TP53BP1: variants seen among roughly 807,000 people sequenced by gnomAD.
TP53BP1 encodes the protein TP53-binding protein 1.
TP53BP1 carries 61 observed loss-of-function variants against 200.8 expected under a neutral mutation model. The ratio of observed to expected loss-of-function variants is 0.30; its 90% CI spans 0.25 to 0.38. The LOEUF is 0.38. Among genes scored for constraint, TP53BP1 ranks in the 10% least tolerant of loss-of-function variants. The probability of loss-of-function intolerance (pLI) is 1.00; values close to 1 mark genes in which losing one functional copy is unlikely to be tolerated. For missense variants in TP53BP1, 2,144 were observed against 2,371.9 expected (o/e 0.90, Z 2.00); for synonymous variants, 822 against 844.3 (o/e 0.97, Z 0.46).
At chr15:43,440,944 A>ATTAGCGTTTTCAGGC (rs1261482366) in intron 15 of TP53BP1, among the ~76,000 whole-genome samples, 2 of 152,230 alleles carry the variant, frequency 1.3e-5, no homozygotes, top group Admixed American at 1.3e-4. Flanking sequence ...ACCAACTGCT[A>ATTAGCGTTTTCAGGC]TTAGCGTTTT....
At chr15:43,452,136 A>C (rs550094616) in intron 12 of TP53BP1, among the ~76,000 whole-genome samples, 25 of 152,330 alleles carry the variant, frequency 1.6e-4, no homozygotes, top group Admixed American at 1.6e-3. Context: ...CTCTGTTCCA[A>C]AAAAATAAAA....
At chr15:43,421,263 A>G (rs1659449572) in intron 19 of TP53BP1, 89 bp from the exon 20 acceptor site, 10 of 1,397,208 alleles carry the variant, frequency 7.2e-6, no homozygotes, top group Non-Finnish European at 1.0e-5. Flanking sequence ...ACTACATGAC[A>G]GGCCTACATG....
rs867148872 is a variant in TP53BP1 at position 43,474,721 on chromosome 15, T to C, written c.1132A>G (p.Thr378Ala). 3 of 1,613,238 alleles carry C rather than the reference T, an allele frequency of 1.9e-6. No individual in the cohort carries two copies. Among genetic ancestry groups the C allele is most frequent in the African/African-American group, 2.7e-5 (2 of 74,920 alleles). The change falls in exon 10 of 28, where the codon ACT becomes GCT. Residue 378 changes from threonine (T) to alanine (A), a missense_variant. Around this residue, in one of 4 missense-constraint regions of TP53BP1, gnomAD observed 1,700 missense variants for 1,710.3 expected, o/e 0.99. Transcript: ENST00000382044. ...VAPSPDAFRS[T>A]PFIVPSSPTE... is the part of the protein sequence containing the mutation. Reference sequence around the variant, plus strand: ...GGACTGCTAGGAACGATAAAAGGAGTAGATCGGAAAGCATCAGGAGAAGGA... The same window carrying C: ...GGACTGCTAGGAACGATAAAAGGAGCAGATCGGAAAGCATCAGGAGAAGGA...
chr15:43,442,286 C>A (rs1007467020), intron 14 of TP53BP1, among the ~76,000 whole-genome samples: 1 of 151,878 alleles, frequency 6.6e-6, no homozygotes, highest in Non-Finnish European at 1.5e-5. Context: ...CGGGGTTTCA[C>A]CGTGTTAGCC....
rs1171651963 is a variant in TP53BP1, at chr15:43,408,648, T to A, written c.5600+249A>T. The stretch of plus-strand genomic sequence containing the variant: ...TTTTTAATGCTTGCTTAAAACTTAG[T>A]TCTCTGACTTTACAGGTTGAGAATA... On this transcript the variant is annotated intron_variant, in intron 26 of 27. Transcript: ENST00000382044. 18 of 483,950 alleles carry A rather than the reference T, an allele frequency of 3.7e-5. No homozygotes were observed. The Admixed American group carries it at 5.9e-4, about 16-fold the overall frequency. 30.0% of individuals were successfully genotyped at this position (483,950 alleles called of 1,614,324 possible).
In TP53BP1 at chr15:43,456,399, C is replaced by G. The variant is rs766484665; in HGVS notation, c.2209G>C (p.Ala737Pro). 1 of 1,599,952 alleles carries G rather than the reference C, an allele frequency of 6.3e-7. No individual in the cohort carries two copies. Among genetic ancestry groups the G allele is most frequent in the Admixed American group, 1.8e-5 (1 of 57,080 alleles). Residue 737 changes from alanine (A) to proline (P), a missense_variant, in exon 12 of 28, where the codon GCA becomes CCA. Ala to Pro is a conservative substitution (Grantham distance 27, BLOSUM62 -1). Coordinates refer to ENST00000382044, the MANE Select transcript of TP53BP1 (RefSeq NM_001141980.3). ...VISIDSPQKL[A>P]ILDQELEHKE... ...TGTTCCAATTCTTGGTCAAGTATTG[C>G]CAACTTTTGAGGGGAATCAATACTA...
intron 11 of TP53BP1, among the ~76,000 whole-genome samples, chr15:43,458,804 A>C (rs66629206): frequency 0.17 from 26,482 of 151,604 alleles, 2,499 homozygotes; most frequent in Middle Eastern, 0.28. Flanking sequence ...AAAAAAAAAA[A>C]GGTTCACAAA....
chr15:43,409,638 A>ACTCCTCAC lies in TP53BP1; in HGVS notation c.5400+1_5400+8dup. 1 of 1,487,478 alleles carries ACTCCTCAC rather than the reference A, an allele frequency of 6.7e-7. No individual in the cohort carries two copies. The highest frequency in any genetic ancestry group is 9.1e-7 in the Non-Finnish European group (1 of 1,103,220). 92.1% of individuals were successfully genotyped at this position (1,487,478 alleles called of 1,614,324 possible). ...CCACTATATTAGGTTACACAAAGAAACTCCTCACCTGGGCTTCATTGAAAT... is the reference window on the plus strand; with the variant it reads ...CCACTATATTAGGTTACACAAAGAAACTCCTCACCTCCTCACCTGGGCTTCATTGAAAT... On this transcript the variant is annotated intron_variant, in intron 25 of 27. Transcript: ENST00000382044.
chr15:43,461,507 C>T (rs1456889114), intron 11 of TP53BP1, among the ~76,000 whole-genome samples: 7 of 152,014 alleles, frequency 4.6e-5, no homozygotes, highest in Admixed American at 3.3e-4. Context: ...CATGAGCTAC[C>T]TCGTCCGGCC....
intron 16 of TP53BP1, among the ~76,000 whole-genome samples, chr15:43,434,347 C>CT (rs879334300): frequency 2.3e-4 from 35 of 152,302 alleles, no homozygotes; most frequent in Admixed American, 1.3e-3. Flanking sequence ...ATATTTAAAT[C>CT]TTTAAGACAT....
At chr15:43,492,801 C>G (rs940155504) in intron 1 of TP53BP1, among the ~76,000 whole-genome samples, 22 of 150,672 alleles carry the variant, frequency 1.5e-4, no homozygotes, top group African/African-American at 5.4e-4. Flanking sequence ...CTACCTCCCC[C>G]CAAAAGAATG....
intron 4 of TP53BP1, among the ~76,000 whole-genome samples, chr15:43,488,448 G>A (rs1446548239): frequency 1.3e-5 from 2 of 152,128 alleles, no homozygotes; most frequent in African/African-American, 2.4e-5. Context: ...GCTATAAAAG[G>A]GCAACAATAA....
At chr15:43,484,894 G>T (rs2079024653) in intron 4 of TP53BP1, among the ~76,000 whole-genome samples, 1 of 151,996 alleles carries the variant, frequency 6.6e-6, no homozygotes, top group Admixed American at 6.6e-5. Flanking sequence ...GGGATCACAG[G>T]CGCACACTAC....
chr15:43,436,061 G>A (rs1007596728), intron 16 of TP53BP1, among the ~76,000 whole-genome samples: 1 of 151,568 alleles, frequency 6.6e-6, no homozygotes, highest in East Asian at 1.9e-4. Flanking sequence ...GCACAATCTC[G>A]GCTCACTATA....
rs1233149865 is a variant in TP53BP1 at position 43,491,680 on chromosome 15, G to A, written c.360C>T (p.Asn120=). 1.2e-6 allele frequency: 2 copies of A among 1,612,976 alleles called. No homozygotes were observed. Among genetic ancestry groups the A allele is most frequent in the African/African-American group, 1.3e-5 (1 of 74,900 alleles). Residue 120 remains asparagine (N), a synonymous_variant, in exon 4 of 28, where the codon AAC becomes AAT. Coordinates refer to ENST00000382044, the MANE Select transcript of TP53BP1 (RefSeq NM_001141980.3). The part of the protein sequence containing the change: ...SQVIEQLPQP[N]RTSSVLGMSV... ...CAAACACTGTATACCTGCTTGTCCT[G>A]TTTGGCTGAGGTAACTGCTCAATGA...
At chr15:43,431,353 ATGT>A (rs2045665739) in intron 17 of TP53BP1, among the ~76,000 whole-genome samples, 2 of 152,120 alleles carry the variant, frequency 1.3e-5, no homozygotes, top group African/African-American at 4.8e-5. Context: ...ACTCAATGAA[ATGT>A]TGTGAACTTC....
At chr15:43,465,495 T>C (rs985236240) in intron 11 of TP53BP1, among the ~76,000 whole-genome samples, 2 of 151,898 alleles carry the variant, frequency 1.3e-5, no homozygotes, top group Admixed American at 6.6e-5. Flanking sequence ...AAAATAAAAT[T>C]AGAAGACTAT....
In TP53BP1 at chr15:43,413,219, C is replaced by A. The variant is rs761996480; in HGVS notation, c.5205G>T (p.Leu1735=). The A allele has an allele frequency of 6.2e-7, 1 of 1,614,190 alleles. No individual in the cohort carries two copies. Among genetic ancestry groups the A allele is most frequent in the Non-Finnish European group, 8.5e-7 (1 of 1,180,042 alleles). The change falls in exon 24 of 28, where the codon CTG becomes CTT. Residue 1735 remains leucine (L), a synonymous_variant. Coordinates refer to ENST00000382044, the MANE Select transcript of TP53BP1 (RefSeq NM_001141980.3). ...GPLPLNKTLF[L]GYAFLLTMAT... ...CCATGGTAAGGAGAAATGCGTAGCC[C>A]AGAAACAAGGTCTTGTTGAGAGGCA...
At chr15:43,426,488 G>A (rs1039002127) in intron 18 of TP53BP1, among the ~76,000 whole-genome samples, 7 of 149,532 alleles carry the variant, frequency 4.7e-5, no homozygotes, top group Middle Eastern at 3.5e-3. Context: ...CTCAATGAGT[G>A]TCTGTAAAAC....
Sources: gnomAD v4.1 joint callset for allele counts (sites outside exome capture counted in the v4.1 genomes callset) on GRCh38, gnomAD v4.1.1 for gene constraint, gnomAD v4.1.1 regional missense constraint, MANE v1.5 for transcripts, NCBI Gene and HGNC (gene_info 2026-07-23, HGNC 2026-07-21) for gene names.